Variants in EMC3 observed in about 807,000 individuals in gnomAD.
EMC3 encodes ER membrane protein complex subunit 3.
In EMC3, 13 loss-of-function variants were observed where a neutral mutation model predicts 36.6. The observed-to-expected ratio is 0.35, with a 90% CI of 0.23 to 0.56. The LOEUF (loss-of-function observed/expected upper bound fraction) is 0.56. Among genes scored for constraint, EMC3 ranks in the 20% least tolerant of loss-of-function variants. The pLI is 0.84. For synonymous variants in EMC3, 120 were observed against 111.9 expected (o/e 1.07, Z -0.46); for missense variants, 220 against 324.5 (o/e 0.68, Z 2.47).
At chr3:9,964,367 C>CCT (rs1412855760) in intron 7 of EMC3, among the ~76,000 whole-genome samples, 170 bp from the exon 8 acceptor site, 1 of 152,362 alleles carries the variant, frequency 6.6e-6, no homozygotes, top group East Asian at 1.9e-4. Flanking sequence ...CTCTCCTCCC[C>CCT]CTCTTCCTGC....
upstream of EMC3, chr3:9,986,985 G>T: frequency 9.1e-7 from 1 of 1,100,288 alleles, no homozygotes; most frequent in Non-Finnish European, 1.1e-6. Context: ...GGAGGCCAAG[G>T]TGGGGGGATC....
At chr3:9,982,702 A>G (rs2124915774) in intron 1 of EMC3, among the ~76,000 whole-genome samples, 1 of 152,194 alleles carries the variant, frequency 6.6e-6, no homozygotes, top group Non-Finnish European at 1.5e-5. Flanking sequence ...GGCCTGGGCA[A>G]CGGAGGAGAC....
upstream of EMC3, chr3:9,987,145 C>T: frequency 1.2e-6 from 1 of 844,078 alleles, no homozygotes; most frequent in Non-Finnish European, 1.4e-6. Context: ...ACCCAGGAGG[C>T]GGAGCCTGCA....
chr3:9,974,243 G>GT (rs2085820572), intron 4 of EMC3, 141 bp downstream of exon 4: 2 of 624,620 alleles, frequency 3.2e-6, no homozygotes, highest in Non-Finnish European at 5.6e-6. Context: ...GGCAAAAGCC[G>GT]TAAAAGTCAT....
intron 1 of EMC3, chr3:10,000,979 G>C (rs925612023): frequency 3.6e-6 from 1 of 280,498 alleles, no homozygotes; most frequent in Non-Finnish European, 7.7e-6. Flanking sequence ...CTGGGGCCAC[G>C]AAGGTTGCCA....
intron 1 of EMC3, among the ~76,000 whole-genome samples, chr3:9,997,531 C>T (rs1418476590): frequency 6.6e-6 from 1 of 152,210 alleles, no homozygotes; most frequent in Non-Finnish European, 1.5e-5. Context: ...ACGATATCAG[C>T]TTACCGCAAC....
At chr3:9,974,889 C>T (rs912843155) in intron 3 of EMC3, among the ~76,000 whole-genome samples, 1 of 92,312 alleles carries the variant, frequency 1.1e-5, no homozygotes, top group Admixed American at 1.5e-4. Context: ...GAGATGGAGT[C>T]TCACTCTATC....
chr3:9,986,997 C>T (rs1004375360), upstream of EMC3: 3 of 1,082,616 alleles, frequency 2.8e-6, no homozygotes, highest in Non-Finnish European at 3.4e-6. Flanking sequence ...GGGGGGATCA[C>T]GAGGTCAGGG....
upstream of EMC3, among the ~76,000 whole-genome samples, chr3:9,990,315 G>A (rs1157206946): frequency 2.1e-5 from 3 of 142,020 alleles, no homozygotes; most frequent in East Asian, 2.1e-4. Flanking sequence ...CCACCGTGCC[G>A]GGCCTTTCTC....
chr3:9,972,902 C>A (rs1014475249), intron 5 of EMC3, among the ~76,000 whole-genome samples: 2 of 149,498 alleles, frequency 1.3e-5, no homozygotes, highest in Non-Finnish European at 3.0e-5. Context: ...CATCTCAGCT[C>A]ACTGCAAGCT....
intron 1 of EMC3, chr3:10,002,702 C>A: frequency 2.5e-6 from 1 of 400,392 alleles, no homozygotes; most frequent in Admixed American, 2.8e-5. Flanking sequence ...GAGCATCACC[C>A]TGTTATTTAT....
intron 1 of EMC3, chr3:10,003,240 T>A (rs1438419810): frequency 2.2e-5 from 10 of 456,418 alleles, no homozygotes; most frequent in Non-Finnish European, 4.4e-5. Context: ...CCAGTGTCAT[T>A]CAGGCTGGGC....
intron 1 of EMC3, among the ~76,000 whole-genome samples, chr3:9,977,676 T>G (rs1217912301): frequency 6.6e-6 from 1 of 152,228 alleles, no homozygotes; most frequent in Non-Finnish European, 1.5e-5. Context: ...TCTGAACACA[T>G]AAATATTTCA....
intron 1 of EMC3, chr3:9,981,715 G>A (rs778623526): frequency 3.2e-5 from 14 of 432,830 alleles, no homozygotes; most frequent in South Asian, 2.3e-4. Context: ...GATTATAGGT[G>A]TGAGCCATTG....
At chr3:9,965,141 T>C (rs58721802) in intron 7 of EMC3, among the ~76,000 whole-genome samples, 1,837 of 150,448 alleles carry the variant, frequency 0.012, 31 homozygotes, top group African/African-American at 0.042. Context: ...ATGTGGTAGC[T>C]CACACCTGTA....
At chr3:9,977,072 G>A in intron 2 of EMC3, 22 bp from the exon 3 acceptor site, 2 of 1,435,958 alleles carry the variant, frequency 1.4e-6, no homozygotes, top group African/African-American at 1.4e-5. Flanking sequence ...AAAAAAAAGT[G>A]TTTTAAGTCT....
chr3:10,002,385 T>A (rs1575704276), intron 1 of EMC3, among the ~76,000 whole-genome samples: 1 of 151,854 alleles, frequency 6.6e-6, no homozygotes, highest in South Asian at 2.1e-4. Flanking sequence ...ACCTTCCAGG[T>A]TCAGGTGATC....
intron 7 of EMC3, among the ~76,000 whole-genome samples, chr3:9,966,465 C>T (rs558406709): frequency 1.3e-5 from 2 of 152,268 alleles, no homozygotes; most frequent in East Asian, 3.9e-4. Context: ...TTGTGATCCA[C>T]CCACCTCAGC....
chr3:9,977,395 G>C lies in EMC3; in HGVS notation c.207C>G (p.Pro69=). Residue 69 remains proline, a synonymous_variant, in exon 2 of 8, where the codon CCC becomes CCG. Transcript: ENST00000245046. ...RVLRENGKYI[P]KQSFLTRKYY... is the part of the protein sequence containing the mutation. ...ATAAAAGATAAATGAGTACCTGTTT[G>C]GGAATGTATTTTCCATTTTCCCTGA... 1.9e-6 allele frequency: 3 copies of C among 1,612,384 alleles called. No homozygotes were observed. The South Asian group carries it at 3.3e-5, about 18-fold the overall frequency.
Sources: gnomAD v4.1 joint callset for allele counts (sites outside exome capture counted in the v4.1 genomes callset) on GRCh38, gnomAD v4.1.1 for gene constraint, MANE v1.5 for transcripts, NCBI Gene and HGNC (gene_info 2026-07-23, HGNC 2026-07-21) for gene names.